CTNNBL1: variants seen among roughly 807,000 people sequenced by gnomAD.
CTNNBL1 encodes catenin beta like 1.
A neutral mutation model predicts 72.7 loss-of-function variants in CTNNBL1; 31 were observed. The observed-to-expected ratio is 0.43, with a 90% confidence interval of 0.32 to 0.58. CTNNBL1 has a LOEUF of 0.58. CTNNBL1 is among the 20% of genes least tolerant of loss of function. The probability of loss-of-function intolerance (pLI) is 0.08; values close to 1 mark genes in which losing one functional copy is unlikely to be tolerated. For synonymous variants in CTNNBL1, 240 were observed against 267.3 expected (o/e 0.90, Z 1.00); for missense variants, 534 against 725.1 (o/e 0.74, Z 3.03).
intron 7 of CTNNBL1, among the ~76,000 whole-genome samples, chr20:37,770,648 C>A (rs1032901972): frequency 1.3e-5 from 2 of 151,608 alleles, no homozygotes; most frequent in Non-Finnish European, 2.9e-5. Context: ...AATGAAGGGG[C>A]CCATTTGATA....
At chr20:37,752,313 G>A (rs6126066) in intron 4 of CTNNBL1, among the ~76,000 whole-genome samples, 6,057 of 152,132 alleles carry the variant, frequency 0.04, 332 homozygotes, top group African/African-American at 0.13. Context: ...CATTCTAGGT[G>A]GCTTTGTGCC....
At chr20:37,727,793 G>GT (rs1422839871) in intron 1 of CTNNBL1, among the ~76,000 whole-genome samples, 1 of 152,208 alleles carries the variant, frequency 6.6e-6, no homozygotes, top group African/African-American at 2.4e-5. Context: ...GGCTGTGAGT[G>GT]TTACATTCTT....
At chr20:37,839,163 A>G (rs2072279710) in intron 11 of CTNNBL1, among the ~76,000 whole-genome samples, 1 of 152,232 alleles carries the variant, frequency 6.6e-6, no homozygotes, top group Admixed American at 6.5e-5. Context: ...GTGAAGAAAA[A>G]CACACTGGCA....
At chr20:37,865,378 A>G (rs1029811535) in intron 15 of CTNNBL1, among the ~76,000 whole-genome samples, 1 of 152,232 alleles carries the variant, frequency 6.6e-6, no homozygotes, top group Admixed American at 6.5e-5. Context: ...GGGAAGCTGT[A>G]CGGAAGGCAT....
At chr20:37,754,942 G>A (rs187248275) in intron 4 of CTNNBL1, among the ~76,000 whole-genome samples, 177 of 151,980 alleles carry the variant, frequency 1.2e-3, no homozygotes, top group Admixed American at 3.1e-3. Context: ...TGAGTAGCTG[G>A]GATTACAGGC....
chr20:37,796,258 C>G lies in CTNNBL1; in HGVS notation c.1032-6609C>G, dbSNP rs530070393. On this transcript the variant is annotated intron_variant, in intron 10 of 15. Coordinates refer to ENST00000361383, the MANE Select transcript of CTNNBL1 (RefSeq NM_030877.5). ...TGCTTGCGCTTGTCAGTTCTGGAGA[C>G]TGGAAGGGGCCCTCTGCAGATCTCC... Among the ~76,000 whole-genome samples the G allele has an allele frequency of 1.5e-3, 231 of 152,242 alleles. 1 individual carries two copies. Among genetic ancestry groups the G allele is most frequent in the Middle Eastern group, 6.8e-3 (2 of 294 alleles).
intron 10 of CTNNBL1, among the ~76,000 whole-genome samples, chr20:37,797,285 T>C (rs1310820199): frequency 6.6e-6 from 1 of 151,938 alleles, no homozygotes. Context: ...TGATCTCATG[T>C]GGCATTATCT....
At chr20:37,701,384 C>A (rs1231589531) in intron 1 of CTNNBL1, among the ~76,000 whole-genome samples, 1 of 152,188 alleles carries the variant, frequency 6.6e-6, no homozygotes, top group Non-Finnish European at 1.5e-5. Context: ...CATGTGCCAT[C>A]TCCTGTGCCA....
intron 11 of CTNNBL1, among the ~76,000 whole-genome samples, chr20:37,816,567 G>C (rs2072060853): frequency 6.6e-6 from 1 of 152,154 alleles, no homozygotes; most frequent in Admixed American, 6.5e-5. Flanking sequence ...ACGAGAAAGT[G>C]ATTTATATAC....
At chr20:37,819,142 G>A (rs1243110067) in intron 11 of CTNNBL1, among the ~76,000 whole-genome samples, 5 of 152,080 alleles carry the variant, frequency 3.3e-5, no homozygotes, top group African/African-American at 1.2e-4. Flanking sequence ...TTGTCAAATC[G>A]CCTTTGTGTA....
chr20:37,737,037 C>T (rs1317014514), intron 2 of CTNNBL1, among the ~76,000 whole-genome samples: 2 of 151,892 alleles, frequency 1.3e-5, no homozygotes, highest in Non-Finnish European at 2.9e-5. Context: ...TCCTGGCTAA[C>T]ACGAAGAAAC....
intron 3 of CTNNBL1, among the ~76,000 whole-genome samples, chr20:37,745,427 A>G (rs918054852): frequency 6.6e-6 from 1 of 152,240 alleles, no homozygotes; most frequent in Admixed American, 6.5e-5. Flanking sequence ...AGACAGACAT[A>G]TTACAGTAAT....
intron 1 of CTNNBL1, among the ~76,000 whole-genome samples, chr20:37,723,447 A>G (rs1276746845): frequency 6.6e-6 from 1 of 152,188 alleles, no homozygotes; most frequent in Non-Finnish European, 1.5e-5. Flanking sequence ...TTGGGAATAA[A>G]TGGTGCTTCT....
chr20:37,810,774 T>C (rs1265185465), intron 11 of CTNNBL1, among the ~76,000 whole-genome samples: 1 of 152,174 alleles, frequency 6.6e-6, no homozygotes, highest in Non-Finnish European at 1.5e-5. Flanking sequence ...CATGTATAGC[T>C]AGTTATTGTG....
intron 1 of CTNNBL1, among the ~76,000 whole-genome samples, chr20:37,711,912 T>A (rs554968169): frequency 1.3e-5 from 2 of 152,212 alleles, no homozygotes; most frequent in South Asian, 4.1e-4. Context: ...AATCCTAACA[T>A]TTTTTAACTT....
At chr20:37,839,453 C>T (rs921795358) in intron 11 of CTNNBL1, among the ~76,000 whole-genome samples, 1 of 152,126 alleles carries the variant, frequency 6.6e-6, no homozygotes, top group Non-Finnish European at 1.5e-5. Context: ...CACCTGAAGC[C>T]TATAATATAC....
chr20:37,846,983 T>A (rs1438663809), intron 13 of CTNNBL1, among the ~76,000 whole-genome samples: 1 of 152,198 alleles, frequency 6.6e-6, no homozygotes, highest in Non-Finnish European at 1.5e-5. Context: ...ACAGCGTGCC[T>A]CACATTCAGT....
At chr20:37,808,414 A>C (rs1251961597) in intron 11 of CTNNBL1, among the ~76,000 whole-genome samples, 1 of 152,196 alleles carries the variant, frequency 6.6e-6, no homozygotes, top group Non-Finnish European at 1.5e-5. Context: ...ACATTTTTAA[A>C]AGTCTTCGTG....
Position 37,694,166 on chromosome 20 carries a change from G to A in CTNNBL1, c.30+14G>A. 1 of 1,586,144 alleles carries A rather than the reference G, an allele frequency of 6.3e-7. No homozygotes were observed. On this transcript the variant is annotated intron_variant, in intron 1 of 15. Coordinates refer to ENST00000361383, the MANE Select transcript of CTNNBL1 (RefSeq NM_030877.5). Reference sequence around the variant, plus strand: ...CTGAGCTACCAGGTATGAGGGGCAGGGAGGGCCGAGCGACCGCGTTCTCAC... The same window carrying A: ...CTGAGCTACCAGGTATGAGGGGCAGAGAGGGCCGAGCGACCGCGTTCTCAC...
Sources: gnomAD v4.1 joint callset for allele counts (sites outside exome capture counted in the v4.1 genomes callset) on GRCh38, gnomAD v4.1.1 for gene constraint, MANE v1.5 for transcripts, NCBI Gene and HGNC (gene_info 2026-07-23, HGNC 2026-07-21) for gene names.